Variants in ANKRD17 observed in about 807,000 individuals in gnomAD.
ANKRD17 encodes the protein ankyrin repeat domain-containing protein 17.
In ANKRD17, 19 loss-of-function variants were observed where a neutral mutation model predicts 229.7. The ratio of observed to expected loss-of-function variants is 0.08; its 90% CI spans 0.06 to 0.12. The LOEUF is 0.12. Ranked by LOEUF, ANKRD17 falls within the 10% of genes least tolerant of loss-of-function variation. ANKRD17 has a pLI of 1.00. For missense variants in ANKRD17, 2,176 were observed against 3,176.8 expected, an observed-to-expected ratio of 0.68 and a Z score of 7.57; for synonymous variants, 1,112 against 1,146.1, an observed-to-expected ratio of 0.97 and a Z score of 0.60.
chr4:73,161,456 GGTAGA>G, intron 2 of ANKRD17, 108 bp from the exon 3 acceptor site: 1 of 1,104,796 alleles, frequency 9.1e-7, no homozygotes. Flanking sequence ...ACCTCCAAAT[GGTAGA>G]GTAGACATAT....
intron 1 of ANKRD17, among the ~76,000 whole-genome samples, chr4:73,243,601 T>A (rs781092546): frequency 5.3e-4 from 80 of 152,240 alleles, no homozygotes; most frequent in Non-Finnish European, 6.2e-4. Context: ...GAACCAGGAA[T>A]GACTTTCATT....
intron 1 of ANKRD17, among the ~76,000 whole-genome samples, chr4:73,189,777 T>C (rs531720977): frequency 1.4e-4 from 22 of 152,312 alleles, no homozygotes; most frequent in Admixed American, 4.6e-4. Context: ...CCTGAAATTA[T>C]CTTGTTCTTG....
chr4:73,219,567 C>G lies in ANKRD17; in HGVS notation c.393+38709G>C, dbSNP rs78197809. 2.4e-3 allele frequency among the ~76,000 whole-genome samples: 370 copies of G among 152,236 alleles called. 2 individuals carry two copies. The highest frequency in any genetic ancestry group is 0.016 in the South Asian group (77 of 4,824). ...TAAGATAAATACAGAGCAAGAAAAGCTTCCATAATAAACCTACTTACTTTG... is the reference window on the plus strand; with the variant it reads ...TAAGATAAATACAGAGCAAGAAAAGGTTCCATAATAAACCTACTTACTTTG... On this transcript the variant is annotated intron_variant, in intron 1 of 33. Transcript: ENST00000358602.
At chr4:73,108,736 A>G (rs1014524517) in intron 24 of ANKRD17, among the ~76,000 whole-genome samples, 2 of 152,182 alleles carry the variant, frequency 1.3e-5, no homozygotes, top group African/African-American at 2.4e-5. Context: ...ATAATGGAAG[A>G]AAAAATGGAG....
chr4:73,121,823 T>C, intron 18 of ANKRD17, 64 bp from the exon 19 acceptor site: 1 of 1,478,562 alleles, frequency 6.8e-7, no homozygotes, highest in Non-Finnish European at 9.0e-7. Flanking sequence ...AGTGTGTATT[T>C]TTAAATTTCT....
chr4:73,135,275 A>G lies in ANKRD17; in HGVS notation c.3086-10T>C. 2 of 1,604,940 alleles carry G rather than the reference A, an allele frequency of 1.2e-6. No individual in the cohort carries two copies. The highest frequency in any genetic ancestry group is 1.7e-6 in the Non-Finnish European group (2 of 1,174,760). On this transcript the variant is annotated splice_polypyrimidine_tract_variant and intron_variant, in intron 15 of 33. Coordinates refer to ENST00000358602, the MANE Select transcript of ANKRD17 (RefSeq NM_032217.5). ...GCTCTTCCACTGACTGCTGTTGAAC[A>G]AAATAACTGCACTTAATAAGGATGA...
At chr4:73,182,892 G>A (rs763182546) in intron 1 of ANKRD17, among the ~76,000 whole-genome samples, 27 of 152,170 alleles carry the variant, frequency 1.8e-4, no homozygotes, top group Admixed American at 3.9e-4. Flanking sequence ...CTCACTAAAT[G>A]CCAGTTAGCA....
chr4:73,148,763 C>T (rs1301336102), intron 8 of ANKRD17, 50 bp downstream of exon 8: 1 of 1,510,124 alleles, frequency 6.6e-7, no homozygotes, highest in Non-Finnish European at 9.2e-7. Context: ...TAAAATTATA[C>T]TCTTAGGTTT....
At chr4:73,115,087 C>T (rs563277722) in intron 23 of ANKRD17, among the ~76,000 whole-genome samples, 4 of 152,148 alleles carry the variant, frequency 2.6e-5, no homozygotes, top group South Asian at 2.1e-4. Context: ...TTTTACATCA[C>T]GCTCAAGACT....
At chr4:73,097,423 A>G (rs1723427654) in intron 26 of ANKRD17, 151 bp from the exon 27 acceptor site, 1 of 646,106 alleles carries the variant, frequency 1.5e-6, no homozygotes, top group Admixed American at 4.0e-5. Flanking sequence ...TTAGCATATA[A>G]TATAGAGAGC....
chr4:73,097,257 G>A lies in ANKRD17; in HGVS notation c.5037C>T (p.Ile1679=), dbSNP rs552688823. Residue 1679 remains isoleucine (I), a synonymous_variant, in exon 27 of 34, where the codon ATC becomes ATT. Coordinates refer to ENST00000358602, the MANE Select transcript of ANKRD17 (RefSeq NM_032217.5). The part of the protein sequence containing the change: ...GKASIKLSET[I]SEGTSNSLST... ...ATAGAGAATTACTGGTCCCTTCACTGATAGTTTCTGACAATCTTTAACAAA... is the reference window on the plus strand; with the variant it reads ...ATAGAGAATTACTGGTCCCTTCACTAATAGTTTCTGACAATCTTTAACAAA... 8 of 1,577,322 alleles carry A rather than the reference G, an allele frequency of 5.1e-6. No individual in the cohort carries two copies. The South Asian group carries it at 9.6e-5, about 19-fold the overall frequency.
Position 73,258,763 on chromosome 4 carries a change from G to T in ANKRD17, c.-95C>A, listed in dbSNP as rs1259704832. 3 of 1,350,216 alleles carry T rather than the reference G, an allele frequency of 2.2e-6. No homozygotes were observed. In the East Asian group the frequency reaches 9.4e-5, roughly 42 times the overall value. 83.6% of individuals were successfully genotyped at this position (1,350,216 alleles called of 1,614,324 possible). ...CACTGGGGCCGACACAGCAATCGGT[G>T]CCGCCTCCGCCGCCACCGCCTCGGT... is the stretch of plus-strand genomic sequence containing the variant. On this transcript the variant is annotated 5_prime_UTR_variant, in exon 1 of 34. Transcript: ENST00000358602.
rs538060873 is a variant in ANKRD17, at chr4:73,136,797, T to A, written c.3086-1532A>T. Among the ~76,000 whole-genome samples the A allele has an allele frequency of 2.6e-5, 4 of 152,164 alleles. No homozygotes were observed. In the East Asian group the frequency reaches 7.7e-4, roughly 29 times the overall value. Reference sequence around the variant, plus strand: ...ATCTCCTTTGATTGGATTTTCACAATAAAACTGCTAAATACAAAAAGTAGC... The same window carrying A: ...ATCTCCTTTGATTGGATTTTCACAAAAAAACTGCTAAATACAAAAAGTAGC... On this transcript the variant is annotated intron_variant, in intron 15 of 33. Coordinates refer to ENST00000358602, the MANE Select transcript of ANKRD17 (RefSeq NM_032217.5).
rs1263357711 is a variant in ANKRD17, at chr4:73,124,981, T to G, written c.3424A>C (p.Ile1142Leu). 1 of 1,614,190 alleles carries G rather than the reference T, an allele frequency of 6.2e-7. No individual in the cohort carries two copies. The highest frequency in any genetic ancestry group is 8.5e-7 in the Non-Finnish European group (1 of 1,180,034). ...VEILLDNGAD[I>L]EAQSERTKDT... ...TTGGTTCTTTCAGACTGGGCTTCAA[T>G]GTCTGCACCATTGTCCAGCAATATT... is the stretch of plus-strand genomic sequence containing the variant. Residue 1142 changes from isoleucine to leucine, a missense_variant, in exon 18 of 34, where the codon ATT (isoleucine) becomes CTT (leucine). Coordinates refer to ENST00000358602, the MANE Select transcript of ANKRD17 (RefSeq NM_032217.5).
At chr4:73,175,260 G>A (rs1315024717) in intron 2 of ANKRD17, among the ~76,000 whole-genome samples, 1 of 152,140 alleles carries the variant, frequency 6.6e-6, no homozygotes, top group Non-Finnish European at 1.5e-5. Context: ...TGTGAGGAGC[G>A]GAAGGGGAAG....
intron 1 of ANKRD17, among the ~76,000 whole-genome samples, chr4:73,195,983 T>A (rs1411522592): frequency 1.3e-5 from 2 of 151,902 alleles, no homozygotes; most frequent in African/African-American, 2.4e-5. Context: ...GATTTAATGA[T>A]TCTTTCGAAG....
At chr4:73,183,155 C>G (rs1160632729) in intron 1 of ANKRD17, among the ~76,000 whole-genome samples, 2 of 152,140 alleles carry the variant, frequency 1.3e-5, no homozygotes, top group Non-Finnish European at 2.9e-5. Context: ...TTCTGAATTA[C>G]AGAGACTCGA....
intron 11 of ANKRD17, among the ~76,000 whole-genome samples, chr4:73,143,059 C>T (rs757109183): frequency 7.2e-5 from 11 of 152,060 alleles, no homozygotes; most frequent in Non-Finnish European, 1.6e-4. Context: ...CCCATTACTC[C>T]TAATGTAATA....
intron 1 of ANKRD17, among the ~76,000 whole-genome samples, chr4:73,178,317 C>G (rs896073168): frequency 2.0e-5 from 3 of 152,124 alleles, no homozygotes; most frequent in Non-Finnish European, 4.4e-5. Context: ...TATTTTTCCT[C>G]CAGACAAACA....
Sources: gnomAD v4.1 joint callset for allele counts (sites outside exome capture counted in the v4.1 genomes callset) on GRCh38, gnomAD v4.1.1 for gene constraint, MANE v1.5 for transcripts, NCBI Gene and HGNC (gene_info 2026-07-23, HGNC 2026-07-21) for gene names.